Variants in UNC79 observed in about 807,000 individuals in gnomAD.
UNC79 encodes the protein protein unc-79 homolog.
A neutral mutation model predicts 283.1 loss-of-function variants in UNC79; 37 were observed. That is an observed-to-expected ratio of 0.13 (90% CI 0.10 to 0.17). UNC79 has a LOEUF of 0.17. Among genes scored for constraint, UNC79 ranks in the 10% least tolerant of loss-of-function variants. The probability of loss-of-function intolerance (pLI) is 1.00; values close to 1 mark genes in which losing one functional copy is unlikely to be tolerated. For synonymous variants in UNC79, 1,107 were observed against 1,200.2 expected (o/e 0.92, Z 1.61); for missense variants, 2,272 against 3,211.1 (o/e 0.71, Z 7.07).
rs567123804 is a variant in UNC79 at position 93,696,680 on chromosome 14, C to T, written c.7548+2268C>T. ...ATTGGGTTGGGTTTTTTCCTGATTA[C>T]TGAAGTTTGAGATACAAGTCCTTTA... On this transcript the variant is annotated intron_variant, in intron 47 of 48. Coordinates refer to ENST00000555664, the Ensembl canonical transcript of UNC79. Among the ~76,000 whole-genome samples the T allele has an allele frequency of 1.6e-3, 249 of 151,962 alleles. 3 individuals are homozygous for T. Among genetic ancestry groups the T allele is most frequent in the African/African-American group, 5.9e-3 (243 of 41,450 alleles).
intron 30 of UNC79, among the ~76,000 whole-genome samples, chr14:93,628,326 C>T (rs1227529387): frequency 1.3e-5 from 2 of 152,180 alleles, no homozygotes; most frequent in East Asian, 3.8e-4. Context: ...TACCTTTGGG[C>T]CTTTCCACTG....
intron 2 of UNC79, among the ~76,000 whole-genome samples, chr14:93,470,175 T>G (rs1372887162): frequency 4.0e-5 from 6 of 150,898 alleles, no homozygotes; most frequent in Non-Finnish European, 8.9e-5. Context: ...GTTAAAATGG[T>G]TTTTTTTTGG....
chr14:93,397,956 A>G (rs186213734), intron 1 of UNC79, among the ~76,000 whole-genome samples: 154 of 152,268 alleles, frequency 1.0e-3, no homozygotes, highest in Middle Eastern at 3.4e-3. Flanking sequence ...TGTTGAGTGA[A>G]TAAATGATGT....
chr14:93,471,908 C>T lies in UNC79; in HGVS notation c.144-2181C>T, dbSNP rs529047671. On this transcript the variant is annotated intron_variant, in intron 2 of 48. Coordinates refer to ENST00000555664, the Ensembl canonical transcript of UNC79. Reference sequence around the variant, plus strand: ...AGGGAAAAATATCAAAGTAGAGTCTCCAAAGTATTTGTTAACTGACATCAT... The same window carrying T: ...AGGGAAAAATATCAAAGTAGAGTCTTCAAAGTATTTGTTAACTGACATCAT... Among the ~76,000 whole-genome samples the T allele has an allele frequency of 2.9e-3, 446 of 151,984 alleles. 3 individuals are homozygous for T. Among genetic ancestry groups the T allele is most frequent in the Non-Finnish European group, 5.3e-3 (363 of 67,950 alleles).
intron 7 of UNC79, among the ~76,000 whole-genome samples, chr14:93,512,201 C>T (rs2140872642): frequency 6.6e-6 from 1 of 152,262 alleles, no homozygotes; most frequent in African/African-American, 2.4e-5. Context: ...TTGCTTCTCT[C>T]ATTTAACTCT....
chr14:93,693,198 C>A (rs2074836617), intron 46 of UNC79, among the ~76,000 whole-genome samples: 1 of 152,132 alleles, frequency 6.6e-6, no homozygotes, highest in South Asian at 2.1e-4. Context: ...ATGTGAAAAT[C>A]TTAGCGTTTG....
intron 24 of UNC79, 33 bp downstream of exon 24, chr14:93,597,573 G>T (rs754175768): frequency 6.3e-7 from 1 of 1,593,516 alleles, no homozygotes; most frequent in Non-Finnish European, 8.5e-7. Flanking sequence ...TGCTCCGAAG[G>T]TGGTTTGTGT....
At chr14:93,587,024 T>G (rs2064269692) in intron 22 of UNC79, 116 bp downstream of exon 22, 1 of 1,257,654 alleles carries the variant, frequency 8.0e-7, no homozygotes, top group Non-Finnish European at 1.1e-6. Context: ...CCAGGACAGC[T>G]CGATTGCCTA....
intron 1 of UNC79, among the ~76,000 whole-genome samples, chr14:93,424,295 G>C (rs1305201214): frequency 6.6e-6 from 1 of 152,084 alleles, no homozygotes; most frequent in Non-Finnish European, 1.5e-5. Flanking sequence ...CCACTATGGA[G>C]GACAGTTGGA....
At chr14:93,363,746 T>C (rs1372705836) in intron 1 of UNC79, among the ~76,000 whole-genome samples, 1 of 151,664 alleles carries the variant, frequency 6.6e-6, no homozygotes, top group Non-Finnish European at 1.5e-5. Context: ...TGAGATGGAG[T>C]CTCACTCTGT....
At chr14:93,674,820 G>T (rs1178629929) in intron 41 of UNC79, among the ~76,000 whole-genome samples, 2 of 152,180 alleles carry the variant, frequency 1.3e-5, no homozygotes, top group Admixed American at 6.5e-5. Context: ...TCAGTGGCTT[G>T]CCCAAGACCA....
At chr14:93,495,883 A>G (rs1355512662) in intron 5 of UNC79, among the ~76,000 whole-genome samples, 2 of 152,214 alleles carry the variant, frequency 1.3e-5, no homozygotes, top group Non-Finnish European at 2.9e-5. Flanking sequence ...TTCCTCTATA[A>G]GATGGAACTG....
At chr14:93,707,348 C>G (rs1413964480), downstream of UNC79, 3 of 154,912 alleles carry the variant, frequency 1.9e-5, no homozygotes, top group Non-Finnish European at 4.3e-5. Flanking sequence ...CCAGTGACAC[C>G]TGACTGAAGC....
intron 1 of UNC79, among the ~76,000 whole-genome samples, chr14:93,341,754 C>T (rs767294941): frequency 6.6e-6 from 1 of 152,084 alleles, no homozygotes; most frequent in Non-Finnish European, 1.5e-5. Context: ...AGGCCTCCCC[C>T]ACCATCTAAA....
intron 1 of UNC79, among the ~76,000 whole-genome samples, chr14:93,400,143 G>A (rs1473961851): frequency 2.6e-5 from 4 of 152,164 alleles, no homozygotes; most frequent in African/African-American, 7.2e-5. Flanking sequence ...ATTTGTGAGA[G>A]AGAATGTTTT....
At chr14:93,634,891 A>G (rs2068376467) in intron 31 of UNC79, among the ~76,000 whole-genome samples, 2 of 152,162 alleles carry the variant, frequency 1.3e-5, no homozygotes, top group South Asian at 4.1e-4. Flanking sequence ...TAGGTTATTG[A>G]TCTGGGGAGG....
rs554574541 is a variant in UNC79, at chr14:93,565,909, G to T, written c.1756-5985G>T. Among the ~76,000 whole-genome samples the T allele has an allele frequency of 2.6e-5, 4 of 152,326 alleles. No homozygotes were observed. In the East Asian group the frequency reaches 7.7e-4, roughly 29 times the overall value. On this transcript the variant is annotated intron_variant, in intron 14 of 48. Transcript: ENST00000555664. ...AAGCCACCATTTCAACATGTCCTGT[G>T]TGGGTATCTATTCGGTTGGAGCTGA...
chr14:93,630,050 T>C (rs1460694012), intron 30 of UNC79, among the ~76,000 whole-genome samples: 1 of 152,262 alleles, frequency 6.6e-6, no homozygotes, highest in Admixed American at 6.5e-5. Context: ...GACAATATTA[T>C]ATGCAGAAAA....
At chr14:93,455,022 T>C (rs1024159901) in intron 1 of UNC79, among the ~76,000 whole-genome samples, 4 of 152,236 alleles carry the variant, frequency 2.6e-5, no homozygotes, top group Admixed American at 1.3e-4. Flanking sequence ...GAATGTTCTT[T>C]GCTGACTTCC....
Sources: allele counts gnomAD v4.1 joint callset (sites outside exome capture counted in the v4.1 genomes callset), GRCh38; gene constraint gnomAD v4.1.1; transcripts MANE v1.5; gene names NCBI Gene and HGNC (gene_info 2026-07-23, HGNC 2026-07-21).